Variants in GATM observed in about 807,000 individuals in gnomAD.
GATM encodes the protein glycine amidinotransferase, mitochondrial.
GATM carries 23 observed loss-of-function variants against 54.2 expected under a neutral mutation model. That is an observed-to-expected ratio of 0.42 (90% CI 0.31 to 0.60). The LOEUF (loss-of-function observed/expected upper bound fraction) is 0.60. Among genes scored for constraint, GATM ranks in the 20% least tolerant of loss-of-function variants. The probability of loss-of-function intolerance (pLI) is 0.14; values close to 1 mark genes in which losing one functional copy is unlikely to be tolerated. For missense variants in GATM, 401 were observed against 544.9 expected, an observed-to-expected ratio of 0.74 and a Z score of 2.63; for synonymous variants, 168 against 183.1, an observed-to-expected ratio of 0.92 and a Z score of 0.67.
chr15:45,367,260 G>T (rs1364734328), intron 4 of GATM, among the ~76,000 whole-genome samples: 2 of 151,782 alleles, frequency 1.3e-5, no homozygotes, highest in Non-Finnish European at 2.9e-5. Context: ...AGAATTGCTG[G>T]AACCCGGGAG....
Position 45,392,256 on chromosome 15 carries a change from G to A in GATM, c.-319+4666C>T, listed in dbSNP as rs574509674. On this transcript the variant is annotated intron_variant, in intron 3 of 4. Coordinates refer to the GATM transcript ENST00000561148. ...ACAGAAAGGAAGAAAAAGATGCTGAGAGCAAGCTTAGAAATGAGGAAGAAG... is the reference window on the plus strand; with the variant it reads ...ACAGAAAGGAAGAAAAAGATGCTGAAAGCAAGCTTAGAAATGAGGAAGAAG... Among the ~76,000 whole-genome samples, 19 of 152,324 alleles carry A rather than the reference G, an allele frequency of 1.2e-4. No individual in the cohort carries two copies. In the South Asian group the frequency reaches 3.9e-3, roughly 32 times the overall value.
At position 45,364,798 on chromosome 15, in the gene GATM, G is replaced by A. The variant is rs139599307; in HGVS notation, c.1041C>T (p.Asp347=). 212 of 1,611,834 alleles carry A rather than the reference G, an allele frequency of 1.3e-4. No homozygotes were observed. The highest frequency in any genetic ancestry group is 1.1e-3 in the South Asian group (96 of 91,040). Residue 347 remains aspartate, a splice_region_variant and synonymous_variant, in exon 7 of 9, where the codon GAC becomes GAT. Transcript: ENST00000396659. The part of the protein sequence containing the change: ...IITPPTPIIP[D]DHPLWMSSKW... ...AACAGTGTATGAAAGTAAACATACC[G>A]TCTGGGATGATTGGTGTTGGAGGAG...
chr15:45,376,118 G>T (rs1394301035), intron 2 of GATM, among the ~76,000 whole-genome samples: 1 of 152,206 alleles, frequency 6.6e-6, no homozygotes, highest in African/African-American at 2.4e-5. Context: ...GGAATGAGGA[G>T]GGATCCACTT....
At chr15:45,366,786 G>C (rs779595294) in intron 4 of GATM, among the ~76,000 whole-genome samples, 2 of 152,194 alleles carry the variant, frequency 1.3e-5, no homozygotes, top group South Asian at 4.2e-4. Flanking sequence ...GTCAACTGTC[G>C]TCCCAAAACA....
chr15:45,371,228 G>A (rs1408019502), intron 2 of GATM, among the ~76,000 whole-genome samples: 1 of 152,140 alleles, frequency 6.6e-6, no homozygotes, highest in Non-Finnish European at 1.5e-5. Flanking sequence ...GAAGCAGAAC[G>A]CCAATCAGAG....
Position 45,368,377 on chromosome 15 carries a change from C to G in GATM, c.485-117G>C. 1 of 840,062 alleles carries G rather than the reference C, an allele frequency of 1.2e-6. No homozygotes were observed. The highest frequency in any genetic ancestry group is 2.0e-5 in the Admixed American group (1 of 49,972). 52.0% of individuals were successfully genotyped at this position (840,062 alleles called of 1,614,324 possible). A position where few individuals can be genotyped will look rare whatever the true frequency, so the allele number is the denominator to read the frequency against. ...CTGTAATCCCACCACTTTGGGAGGC[C>G]AAGACGGGCGGATCACTTGATCCTC... is the stretch of plus-strand genomic sequence containing the variant. On this transcript the variant is annotated intron_variant, in intron 3 of 8. Transcript: ENST00000396659. The surrounding 1 kb of genome is among the most constrained non-coding windows in gnomAD (Gnocchi z 5.1).
At chr15:45,383,873 C>A (rs1889774139) in intron 3 of GATM, among the ~76,000 whole-genome samples, 1 of 152,150 alleles carries the variant, frequency 6.6e-6, no homozygotes, top group Non-Finnish European at 1.5e-5. Flanking sequence ...CATTTCTACT[C>A]TAATAATAAT....
At chr15:45,393,008 A>C (rs1366094156) in intron 3 of GATM, among the ~76,000 whole-genome samples, 1 of 152,252 alleles carries the variant, frequency 6.6e-6, no homozygotes, top group African/African-American at 2.4e-5. Context: ...TAAAATAATA[A>C]TTAACACTGA....
upstream of GATM, chr15:45,380,552 T>G (rs1237409488): frequency 1.3e-5 from 2 of 152,140 alleles, no homozygotes; most frequent in Non-Finnish European, 2.9e-5. Flanking sequence ...GCCAGAGATG[T>G]GCTTCTCCTG....
In GATM at chr15:45,362,221, C is replaced by T. The variant is rs757608369; in HGVS notation, c.1160G>A (p.Gly387Asp). 69 of 1,574,800 alleles carry T rather than the reference C, an allele frequency of 4.4e-5. No individual in the cohort carries two copies. Among genetic ancestry groups the T allele is most frequent in the Non-Finnish European group, 5.9e-5 (68 of 1,144,460 alleles). Residue 387 changes from glycine (G) to aspartate (D), a missense_variant and splice_region_variant, in exon 9 of 9, where the codon GGT becomes GAT. Around this residue, in one of 3 missense-constraint regions of GATM, gnomAD observed 321 missense variants for 457.5 expected, o/e 0.70. Coordinates refer to ENST00000396659, the MANE Select transcript of GATM (RefSeq NM_001482.3). ...VPIQKMFEKL[G>D]ITTIKVNIRN... is the part of the protein sequence containing the mutation. ...AATGTTAACTTTAATGGTAGTGATA[C>T]CTGCATTGAAAGAGAGATGAGGTCA...
intron 2 of GATM, 54 bp from the exon 3 acceptor site, chr15:45,369,575 G>A (rs928154319): frequency 3.3e-6 from 5 of 1,503,196 alleles, no homozygotes; most frequent in Non-Finnish European, 4.6e-6. Flanking sequence ...TACAGCTCAT[G>A]ATAGGTTCAT....
chr15:45,381,722 G>C (rs898660424), upstream of GATM, among the ~76,000 whole-genome samples: 3 of 152,198 alleles, frequency 2.0e-5, no homozygotes, highest in African/African-American at 4.8e-5. Context: ...CCTATTCTAA[G>C]AGACATTTGT....
At chr15:45,366,284 G>A in intron 5 of GATM, 74 bp from the exon 6 acceptor site, 2 of 1,605,878 alleles carry the variant, frequency 1.2e-6, no homozygotes, top group African/African-American at 1.3e-5. Flanking sequence ...TATTCAAGGT[G>A]AAAAAAATTT....
exon 1 of GATM, chr15:45,402,182 C>G: frequency 3.8e-6 from 2 of 530,404 alleles, no homozygotes; most frequent in Non-Finnish European, 6.5e-6. Flanking sequence ...GTAACGAAGA[C>G]CATCTCGGGA....
At chr15:45,383,909 A>G (rs1889774547) in intron 3 of GATM, among the ~76,000 whole-genome samples, 1 of 152,194 alleles carries the variant, frequency 6.6e-6, no homozygotes, top group African/African-American at 2.4e-5. Context: ...AGCACTTACT[A>G]TGTGCCAGAT....
chr15:45,386,438 T>C (rs943976676), intron 3 of GATM, among the ~76,000 whole-genome samples: 1 of 152,206 alleles, frequency 6.6e-6, no homozygotes, highest in African/African-American at 2.4e-5. Flanking sequence ...TAGAAACAAC[T>C]CTTGTTGTCA....
In GATM at chr15:45,368,270, C is replaced by CA. The variant is rs758611156; in HGVS notation, c.485-11dup. The CA allele has an allele frequency of 2.5e-5, 41 of 1,612,460 alleles. No individual in the cohort carries two copies. The highest frequency in any genetic ancestry group is 3.5e-5 in the Non-Finnish European group (41 of 1,179,302). ...ATTGCACTGTATAAACCTGTCAGAC[C>CA]AAAAAATTCCATGACAACTTCAGTA... On this transcript the variant is annotated splice_polypyrimidine_tract_variant and intron_variant, in intron 3 of 8. Transcript: ENST00000396659. This position sits in a 1 kb window ranked among gnomAD's most constrained non-coding sequence, Gnocchi z 5.1.
chr15:45,389,472 C>A (rs1889843142), intron 3 of GATM, among the ~76,000 whole-genome samples: 4 of 152,346 alleles, frequency 2.6e-5, no homozygotes, highest in South Asian at 4.1e-4. Flanking sequence ...TAGACAAAGT[C>A]TTGCTCTGTT....
At chr15:45,384,969 A>G (rs1230566301) in intron 3 of GATM, among the ~76,000 whole-genome samples, 1 of 152,120 alleles carries the variant, frequency 6.6e-6, no homozygotes, top group East Asian at 1.9e-4. Flanking sequence ...CAGCCTCCCA[A>G]AGAAATGAGA....
Sources: gnomAD v4.1 joint callset for allele counts (sites outside exome capture counted in the v4.1 genomes callset) on GRCh38, gnomAD v4.1.1 for gene constraint, gnomAD v4.1.1 regional missense constraint, Gnocchi (gnomAD v3.1) non-coding constraint, MANE v1.5 for transcripts, NCBI Gene and HGNC (gene_info 2026-07-23, HGNC 2026-07-21) for gene names.